The following RABGAP1L variants were observed in gnomAD, a reference collection of about 807,000 sequenced individuals.
RABGAP1L encodes the protein RAB GTPase activating protein 1 like, also known as rab GTPase-activating protein 1-like.
A neutral mutation model predicts 137.7 loss-of-function variants in RABGAP1L; 63 were observed. That is an observed-to-expected ratio of 0.46 (90% CI 0.37 to 0.56). The LOEUF is 0.56. RABGAP1L is among the 20% of genes least tolerant of loss of function. The pLI is 0.00. For synonymous variants in RABGAP1L, 431 were observed against 433.7 expected, an observed-to-expected ratio of 0.99 and a Z score of 0.08; for missense variants, 1,095 against 1,244.0, an observed-to-expected ratio of 0.88 and a Z score of 1.80.
intron 1 of RABGAP1L, among the ~76,000 whole-genome samples, chr1:174,167,331 T>G (rs1014448066): frequency 3.3e-5 from 5 of 152,244 alleles, no homozygotes; most frequent in Non-Finnish European, 7.3e-5. Context: ...GTGCCCTTAA[T>G]TAAATTATGT....
chr1:174,226,363 C>T (rs899150597), intron 3 of RABGAP1L, among the ~76,000 whole-genome samples: 12 of 152,160 alleles, frequency 7.9e-5, no homozygotes, highest in African/African-American at 2.9e-4. Context: ...GAGTTCAAGA[C>T]CAGCCTGCGC....
intron 18 of RABGAP1L, among the ~76,000 whole-genome samples, chr1:174,803,112 T>C (rs1688910554): frequency 6.6e-6 from 1 of 152,180 alleles, no homozygotes; most frequent in Admixed American, 6.5e-5. Context: ...TAAATGAAGA[T>C]TTACCAAGAT....
intron 19 of RABGAP1L, among the ~76,000 whole-genome samples, chr1:174,854,001 T>C (rs555341971): frequency 2.0e-5 from 3 of 152,312 alleles, no homozygotes; most frequent in South Asian, 4.1e-4. Flanking sequence ...TTATGGTCAA[T>C]AATGATGTAC....
chr1:174,771,739 A>T (rs867269359), intron 18 of RABGAP1L, among the ~76,000 whole-genome samples: 2 of 152,274 alleles, frequency 1.3e-5, no homozygotes, highest in African/African-American at 4.8e-5. Context: ...ATGTAAAAAA[A>T]ATCTGACAGC....
intron 13 of RABGAP1L, among the ~76,000 whole-genome samples, chr1:174,473,283 T>A (rs1435501875): frequency 6.6e-6 from 1 of 152,202 alleles, no homozygotes; most frequent in African/African-American, 2.4e-5. Flanking sequence ...TGACATAGGA[T>A]CTCTGTAAAC....
chr1:174,434,342 A>C (rs1221552803), intron 13 of RABGAP1L, among the ~76,000 whole-genome samples: 1 of 152,124 alleles, frequency 6.6e-6, no homozygotes, highest in Non-Finnish European at 1.5e-5. Flanking sequence ...ATTGTATGGA[A>C]ATATCACGGT....
intron 13 of RABGAP1L, among the ~76,000 whole-genome samples, chr1:174,481,649 TAAAA>T (rs576016397): frequency 2.9e-3 from 446 of 151,894 alleles, no homozygotes; most frequent in Middle Eastern, 0.027. Context: ...GTTAAAAAAA[TAAAA>T]AAAGGAGAGA....
At chr1:174,425,620 G>A (rs1340625765) in intron 13 of RABGAP1L, among the ~76,000 whole-genome samples, 2 of 151,996 alleles carry the variant, frequency 1.3e-5, no homozygotes, top group Non-Finnish European at 2.9e-5. Flanking sequence ...AATCGGATAA[G>A]TAAAACAAAA....
chr1:174,465,314 C>G (rs1007169974), intron 13 of RABGAP1L, among the ~76,000 whole-genome samples: 1 of 152,208 alleles, frequency 6.6e-6, no homozygotes, highest in Non-Finnish European at 1.5e-5. Context: ...ATTCTCCTGC[C>G]TCAGCCTCCA....
chr1:174,704,967 T>C (rs1679942231), intron 17 of RABGAP1L, among the ~76,000 whole-genome samples: 1 of 152,144 alleles, frequency 6.6e-6, no homozygotes. Context: ...CTGAGCTGAG[T>C]TTAGTATTTC....
chr1:174,870,768 C>T (rs554066003), intron 19 of RABGAP1L, among the ~76,000 whole-genome samples: 2 of 147,678 alleles, frequency 1.4e-5, no homozygotes, highest in East Asian at 4.0e-4. Context: ...GATGGAGTCT[C>T]GCTCTGTTGC....
At chr1:174,733,175 A>C (rs1682651196) in intron 17 of RABGAP1L, among the ~76,000 whole-genome samples, 1 of 152,136 alleles carries the variant, frequency 6.6e-6, no homozygotes, top group African/African-American at 2.4e-5. Flanking sequence ...TAAAAGGAGG[A>C]AGCGGTCAGA....
At chr1:174,385,288 C>T (rs1420125388) in intron 12 of RABGAP1L, among the ~76,000 whole-genome samples, 2 of 152,088 alleles carry the variant, frequency 1.3e-5, no homozygotes, top group African/African-American at 4.8e-5. Flanking sequence ...AAATAACTGG[C>T]CACTGATGTC....
chr1:174,672,098 T>A (rs1677221327), intron 14 of RABGAP1L, among the ~76,000 whole-genome samples: 1 of 152,070 alleles, frequency 6.6e-6, no homozygotes, highest in African/African-American at 2.4e-5. Flanking sequence ...TTCTAAGTTA[T>A]CTAATTCGTT....
intron 14 of RABGAP1L, among the ~76,000 whole-genome samples, chr1:174,654,449 C>G (rs1279604420): frequency 6.6e-6 from 1 of 152,108 alleles, no homozygotes; most frequent in Non-Finnish European, 1.5e-5. Flanking sequence ...TTCATAAAAA[C>G]TTTTCAGGCT....
intron 11 of RABGAP1L, among the ~76,000 whole-genome samples, chr1:174,328,872 AT>A (rs1680776844): frequency 6.6e-6 from 1 of 152,156 alleles, no homozygotes; most frequent in South Asian, 2.1e-4. Flanking sequence ...ACAGTAATAA[AT>A]GCCATCATTA....
chr1:174,415,588 C>T lies in RABGAP1L; in HGVS notation c.1710+21443C>T, dbSNP rs7549546. On this transcript the variant is annotated intron_variant, in intron 13 of 25. Coordinates refer to ENST00000681986, the MANE Select transcript of RABGAP1L (RefSeq NM_001366446.1). ...GAAGACAGCATCATGACGCTTCTACCTTGATACCTGCAAAAATGATGTGAA... is the reference window on the plus strand; with the variant it reads ...GAAGACAGCATCATGACGCTTCTACTTTGATACCTGCAAAAATGATGTGAA... 3.7e-3 allele frequency among the ~76,000 whole-genome samples: 559 copies of T among 152,134 alleles called. 4 individuals carry two copies. The highest frequency in any genetic ancestry group is 0.012 in the African/African-American group (481 of 41,544).
At chr1:174,643,939 G>GTGTATGTA (rs745338599) in intron 14 of RABGAP1L, among the ~76,000 whole-genome samples, 1 of 150,070 alleles carries the variant, frequency 6.7e-6, no homozygotes, top group Non-Finnish European at 1.5e-5. Context: ...GTGTGTGTGT[G>GTGTATGTA]TGTATGTATG....
At chr1:174,778,745 C>T (rs1686729512) in intron 18 of RABGAP1L, among the ~76,000 whole-genome samples, 1 of 152,062 alleles carries the variant, frequency 6.6e-6, no homozygotes, top group Non-Finnish European at 1.5e-5. Flanking sequence ...CAGGTGCCTG[C>T]CACCATGCCC....
Sources: gnomAD v4.1 joint callset for allele counts (sites outside exome capture counted in the v4.1 genomes callset) on GRCh38, gnomAD v4.1.1 for gene constraint, MANE v1.5 for transcripts, NCBI Gene and HGNC (gene_info 2026-07-23, HGNC 2026-07-21) for gene names.